Variants in RBM33 observed in about 807,000 individuals in gnomAD.
The protein encoded by RBM33 is RNA-binding protein 33.
In RBM33, 28 loss-of-function variants were observed where a neutral mutation model predicts 132.6. The observed-to-expected ratio is 0.21, with a 90% confidence interval of 0.16 to 0.29. The LOEUF is 0.29. Among genes scored for constraint, RBM33 ranks in the 10% least tolerant of loss-of-function variants. RBM33 has a pLI of 1.00. For missense variants in RBM33, 1,291 were observed against 1,518.5 expected (o/e 0.85, Z 2.49); for synonymous variants, 634 against 593.0 (o/e 1.07, Z -1.01).
At chr7:155,721,145 G>T (rs925438534) in intron 9 of RBM33, among the ~76,000 whole-genome samples, 22 of 147,992 alleles carry the variant, frequency 1.5e-4, no homozygotes, top group South Asian at 8.5e-4. Flanking sequence ...GCTCGTAGTA[G>T]TGCATATGTA....
intron 14 of RBM33, among the ~76,000 whole-genome samples, chr7:155,746,071 T>C (rs562711855): frequency 9.9e-5 from 15 of 152,268 alleles, no homozygotes; most frequent in Non-Finnish European, 2.1e-4. Context: ...AATGTTGTTA[T>C]GCGGCACATG....
chr7:155,715,658 T>C (rs1266782351), intron 8 of RBM33, among the ~76,000 whole-genome samples: 1 of 152,346 alleles, frequency 6.6e-6, no homozygotes, highest in Non-Finnish European at 1.5e-5. Context: ...GTCATTTACC[T>C]TTGACCTTCA....
At chr7:155,748,959 T>C (rs1343589776) in intron 14 of RBM33, among the ~76,000 whole-genome samples, 2 of 152,190 alleles carry the variant, frequency 1.3e-5, no homozygotes, top group Non-Finnish European at 2.9e-5. Flanking sequence ...CGTTGGCTGC[T>C]CTGAAATTTC....
At chr7:155,725,203 G>GTTTTTTTTTTTTTTTTT (rs59050644) in intron 9 of RBM33, among the ~76,000 whole-genome samples, 2 of 105,178 alleles carry the variant, frequency 1.9e-5, no homozygotes, top group East Asian at 2.7e-4. Flanking sequence ...TTTTTTAGTT[G>GTTTTTTTTTTTTTTTTT]TTTTTTTTTT....
chr7:155,706,935 G>C lies in RBM33; in HGVS notation c.815G>C (p.Ser272Thr). The change falls in exon 7 of 18, where the codon AGC becomes ACC. Residue 272 changes from serine to threonine, a missense_variant. By Grantham distance (58) the Ser-to-Thr change is moderately conservative. Around this residue, in one of 7 missense-constraint regions of RBM33, gnomAD observed 34 missense variants for 46.5 expected, o/e 0.73. Transcript: ENST00000401878. The part of the protein sequence containing the change: ...RERQHKQGRY[S>T]SRRGGRRGGP... ...CGACAGCATAAACAAGGACGCTACA[G>C]CTCCAGGCGGGGAGGACGGCGAGGA... is the stretch of plus-strand genomic sequence containing the variant. 1 of 1,606,308 alleles carries C rather than the reference G, an allele frequency of 6.2e-7. No homozygotes were observed. The highest frequency in any genetic ancestry group is 8.5e-7 in the Non-Finnish European group (1 of 1,176,612).
rs563733739 is a variant in RBM33 at position 155,781,271 on chromosome 7, G to C, written c.*6230G>C. ...CAGACACACCACACCTACCTTGGGG[G>C]AATGCCGTTGCCTGTTCCACCCCTT... On this transcript the variant is annotated 3_prime_UTR_variant, in exon 18 of 18. Transcript: ENST00000401878. 5.2e-5 allele frequency: 8 copies of C among 152,394 alleles called. No homozygotes were observed. In the South Asian group the frequency reaches 1.7e-3, roughly 32 times the overall value. 9.4% of individuals were successfully genotyped at this position (152,394 alleles called of 1,614,324 possible).
At chr7:155,651,536 C>T (rs1472386795) in intron 1 of RBM33, among the ~76,000 whole-genome samples, 1 of 144,458 alleles carries the variant, frequency 6.9e-6, no homozygotes, top group Non-Finnish European at 1.5e-5. Context: ...GCCGAGATCG[C>T]ACCACTGCAC....
chr7:155,711,233 C>T lies in RBM33; in HGVS notation c.979C>T (p.Pro327Ser), dbSNP rs749930185. Residue 327 changes from proline (P) to serine (S), a missense_variant, in exon 8 of 18, where the codon CCT becomes TCT. Transcript: ENST00000401878. ...PQAPPPPPPP[P>S]QQQPIRSLFQ... ...GGCTCCCCCTCCACCGCCACCGCCG[C>T]CTCAGCAGCAGCCGATCAGAAGCCT... The T allele has an allele frequency of 1.9e-6, 3 of 1,593,012 alleles. No individual in the cohort carries two copies. Among genetic ancestry groups the T allele is most frequent in the East Asian group, 4.7e-5 (2 of 42,544 alleles).
In RBM33 at chr7:155,738,228, T is replaced by G. The variant is rs368291874; in HGVS notation, c.1562T>G (p.Val521Gly). Reference sequence around the variant, plus strand: ...TTTAATCAGCAAGGACAGCAGCCAGTGTTCCCAAGAGAGCGGCCCGTACGA... The same window carrying G: ...TTTAATCAGCAAGGACAGCAGCCAGGGTTCCCAAGAGAGCGGCCCGTACGA... ...PAFNQQGQQP[V>G]FPRERPVRPA... Residue 521 changes from valine (V) to glycine (G), a missense_variant, in exon 11 of 18, where the codon GTG becomes GGG. Val to Gly is a moderately radical substitution (Grantham distance 109). Around this residue, in one of 7 missense-constraint regions of RBM33, gnomAD observed 841 missense variants for 912.0 expected, o/e 0.92. Transcript: ENST00000401878. The G allele has an allele frequency of 3.1e-6, 5 of 1,613,878 alleles. No homozygotes were observed. In the African/African-American group the frequency reaches 6.7e-5, roughly 22 times the overall value.
intron 9 of RBM33, among the ~76,000 whole-genome samples, chr7:155,736,012 A>C (rs1300244249): frequency 2.0e-5 from 3 of 152,194 alleles, no homozygotes; most frequent in Non-Finnish European, 4.4e-5. Flanking sequence ...TCTGTTGTAC[A>C]TGTTTCAATA....
chr7:155,715,040 G>A (rs55871549), intron 8 of RBM33, among the ~76,000 whole-genome samples: 16,698 of 152,130 alleles, frequency 0.11, 1,032 homozygotes, highest in East Asian at 0.25. Flanking sequence ...TGACCCCATC[G>A]CATGTCCCTG....
intron 6 of RBM33, among the ~76,000 whole-genome samples, chr7:155,702,968 G>T (rs1800011197): frequency 6.6e-6 from 1 of 152,182 alleles, no homozygotes; most frequent in African/African-American, 2.4e-5. Context: ...CTGTGGGCTG[G>T]CTGTGGATTT....
intron 2 of RBM33, among the ~76,000 whole-genome samples, chr7:155,672,245 C>CT (rs1241890509): frequency 6.6e-6 from 1 of 151,990 alleles, no homozygotes; most frequent in East Asian, 1.9e-4. Context: ...TTAGATATGA[C>CT]TTACTATATT....
chr7:155,718,517 G>A (rs749546375), intron 9 of RBM33, 74 bp downstream of exon 9: 2 of 1,215,330 alleles, frequency 1.6e-6, no homozygotes, highest in Non-Finnish European at 2.4e-6. Context: ...TATAGCAAGT[G>A]CAAGAGGTTC....
At chr7:155,727,155 A>G (rs188988120) in intron 9 of RBM33, among the ~76,000 whole-genome samples, 26 of 152,288 alleles carry the variant, frequency 1.7e-4, no homozygotes, top group East Asian at 7.7e-4. Flanking sequence ...AGGGACTCCT[A>G]TGTTTTTCCA....
At chr7:155,749,293 T>C (rs532393021) in intron 14 of RBM33, among the ~76,000 whole-genome samples, 122 of 152,310 alleles carry the variant, frequency 8.0e-4, no homozygotes, top group African/African-American at 2.8e-3. Flanking sequence ...TGCCAGATAA[T>C]AGTAGTGGCT....
intron 2 of RBM33, among the ~76,000 whole-genome samples, chr7:155,670,410 G>T (rs900349013): frequency 1.3e-5 from 2 of 152,170 alleles, no homozygotes; most frequent in Non-Finnish European, 2.9e-5. Context: ...TGCCAAGAGT[G>T]GATGTAGTTT....
At chr7:155,717,499 G>T (rs1011776102) in intron 8 of RBM33, among the ~76,000 whole-genome samples, 2 of 133,876 alleles carry the variant, frequency 1.5e-5, no homozygotes, top group African/African-American at 2.8e-5. Flanking sequence ...GGTACGGGGG[G>T]TTGGGGCTTC....
intron 3 of RBM33, among the ~76,000 whole-genome samples, chr7:155,673,940 G>GTTTTTTTTTTTTTTTTTTTTTTTTTT (rs71186053): frequency 1.1e-4 from 6 of 54,196 alleles, no homozygotes; most frequent in Non-Finnish European, 1.3e-4. Flanking sequence ...TTTAGGCTTA[G>GTTTTTTTTTTTTTTTTTTTTTTTTTT]TTTTTTTTTT....
Sources: allele counts gnomAD v4.1 joint callset (sites outside exome capture counted in the v4.1 genomes callset), GRCh38; gene constraint gnomAD v4.1.1; regional missense constraint gnomAD v4.1.1; transcripts MANE v1.5; gene names NCBI Gene and HGNC (gene_info 2026-07-23, HGNC 2026-07-21).